RXFP1: variants seen among roughly 807,000 people sequenced by gnomAD.
RXFP1 encodes the protein relaxin family peptide receptor 1, also known as relaxin receptor 1.
In RXFP1, 73 loss-of-function variants were observed where a neutral mutation model predicts 89.8. The observed-to-expected ratio is 0.81, with a 90% CI of 0.67 to 0.99. RXFP1 has a LOEUF of 0.99. Among genes scored for constraint, RXFP1 ranks in the 50% least tolerant of loss-of-function variants. The probability of loss-of-function intolerance (pLI) is 0.00; values close to 1 mark genes in which losing one functional copy is unlikely to be tolerated. For synonymous variants in RXFP1, 277 were observed against 305.5 expected, an observed-to-expected ratio of 0.91 and a Z score of 0.97; for missense variants, 793 against 895.5, an observed-to-expected ratio of 0.89 and a Z score of 1.46.
At chr4:158,531,086 G>T (rs2149793358) in intron 1 of RXFP1, among the ~76,000 whole-genome samples, 1 of 152,280 alleles carries the variant, frequency 6.6e-6, no homozygotes, top group South Asian at 2.1e-4. Context: ...GCCCAGGCTT[G>T]AGTGCAGTGA....
chr4:158,595,500 T>G (rs762819630), intron 3 of RXFP1, among the ~76,000 whole-genome samples: 22 of 152,208 alleles, frequency 1.4e-4, no homozygotes, highest in South Asian at 8.3e-4. Context: ...AATACTAGTG[T>G]TATGAATTAG....
Position 158,612,153 on chromosome 4 carries a change from C to T in RXFP1, c.560C>T (p.Thr187Ile). The T allele has an allele frequency of 6.2e-7, 1 of 1,610,736 alleles. No homozygotes were observed. The highest frequency in any genetic ancestry group is 8.5e-7 in the Non-Finnish European group (1 of 1,178,950). Residue 187 changes from threonine to isoleucine, a missense_variant, in exon 7 of 18, where the codon ACC becomes ATC. Physicochemically the swap from Thr to Ile is moderately conservative, Grantham distance 89 (BLOSUM62 -1). Coordinates refer to ENST00000307765, the MANE Select transcript of RXFP1 (RefSeq NM_021634.4). ...TKLYLSHNRI[T>I]FLKPGVFEDL... Reference sequence around the variant, plus strand: ...AGGTATCTCAGTCATAACAGAATAACCTTCCTGAAGCCGGGTGTTTTTGAA... The same window carrying T: ...AGGTATCTCAGTCATAACAGAATAATCTTCCTGAAGCCGGGTGTTTTTGAA...
At chr4:158,599,259 C>A (rs1166951885) in intron 3 of RXFP1, 67 bp from the exon 4 acceptor site, 6 of 1,606,074 alleles carry the variant, frequency 3.7e-6, no homozygotes, top group Non-Finnish European at 5.1e-6. Context: ...TCATTTCTTT[C>A]TTTTCATTAC....
intron 1 of RXFP1, among the ~76,000 whole-genome samples, chr4:158,554,401 C>T (rs918023420): frequency 6.6e-6 from 1 of 152,074 alleles, no homozygotes; most frequent in African/African-American, 2.4e-5. Context: ...TTCCCAAAGA[C>T]GACCACTGCT....
intron 1 of RXFP1, among the ~76,000 whole-genome samples, chr4:158,531,336 A>C (rs895392096): frequency 6.6e-6 from 1 of 151,686 alleles, no homozygotes; most frequent in Non-Finnish European, 1.5e-5. Flanking sequence ...TCTGCCTTTG[A>C]CTCTTCACTG....
In RXFP1 at chr4:158,561,277, A is replaced by G. The variant is rs1261650548; in HGVS notation, c.50-11421A>G. 5.3e-5 allele frequency among the ~76,000 whole-genome samples: 8 copies of G among 152,236 alleles called. No homozygotes were observed. The East Asian group carries it at 9.6e-4, about 18-fold the overall frequency. ...ACAAGTGGATTATCCCTAATCTGAAATTTTGAAATCCGAAATGTTTCAAAC... is the reference window on the plus strand; with the variant it reads ...ACAAGTGGATTATCCCTAATCTGAAGTTTTGAAATCCGAAATGTTTCAAAC... On this transcript the variant is annotated intron_variant, in intron 1 of 17. Transcript: ENST00000307765.
At chr4:158,550,088 G>A (rs568728164) in intron 1 of RXFP1, among the ~76,000 whole-genome samples, 2 of 152,348 alleles carry the variant, frequency 1.3e-5, no homozygotes, top group African/African-American at 4.8e-5. Flanking sequence ...CTTGAGCTGT[G>A]GTGGGCTCCA....
Position 158,593,484 on chromosome 4 carries a change from G to A in RXFP1, c.271G>A (p.Glu91Lys). Residue 91 changes from glutamate (E) to lysine (K), a missense_variant, in exon 3 of 18, where the codon GAA becomes AAA. By Grantham distance (56) the Glu-to-Lys change is moderately conservative (BLOSUM62 1). Transcript: ENST00000307765. The stretch of plus-strand genomic sequence containing the variant: ...GACTTCCCAATATCCTTTTGAGGCA[G>A]AAACACCTGAATGTTGTAAGTAATC... ...KMTSQYPFEA[E>K]TPECLVGSVP... 6.3e-7 allele frequency: 1 copy of A among 1,597,474 alleles called. No homozygotes were observed. Among genetic ancestry groups the A allele is most frequent in the South Asian group, 1.1e-5 (1 of 90,326 alleles).
At chr4:158,544,335 G>A (rs1747637082) in intron 1 of RXFP1, 4 of 984,640 alleles carry the variant, frequency 4.1e-6, no homozygotes, top group Non-Finnish European at 3.6e-6. Context: ...TGATGAGACA[G>A]CATCTCATCC....
intron 1 of RXFP1, among the ~76,000 whole-genome samples, chr4:158,540,360 C>A (rs1746313411): frequency 6.6e-6 from 1 of 152,070 alleles, no homozygotes; most frequent in Non-Finnish European, 1.5e-5. Flanking sequence ...TATAGGGTAA[C>A]TGACATTGCC....
At position 158,648,496 on chromosome 4, in the gene RXFP1, TAGGTATTAATTTGGCCGCA is replaced by T; in HGVS notation, c.1757-2_1773del. 1.3e-6 allele frequency: 2 copies of T among 1,542,628 alleles called. No homozygotes were observed. The highest frequency in any genetic ancestry group is 4.5e-5 in the East Asian group (2 of 44,322). On this transcript the variant is annotated splice_acceptor_variant and coding_sequence_variant, in exon 17 of 18. Coordinates refer to ENST00000307765, the MANE Select transcript of RXFP1 (RefSeq NM_021634.4). LOFTEE classifies it high-confidence loss of function. ...TTAATAATACTGTTTGTATTCCAAA[TAGGTATTAATTTGGCCGCA>T]TTTATCATCATAGTTTTTTCCTATG...
intron 1 of RXFP1, among the ~76,000 whole-genome samples, chr4:158,569,041 T>C (rs1412422245): frequency 2.0e-5 from 3 of 152,206 alleles, no homozygotes; most frequent in Non-Finnish European, 2.9e-5. Flanking sequence ...TCTTTGAAAT[T>C]ATATGAATCT....
intron 2 of RXFP1, among the ~76,000 whole-genome samples, chr4:158,580,464 A>G (rs1757128027): frequency 6.6e-6 from 1 of 152,180 alleles, no homozygotes; most frequent in Non-Finnish European, 1.5e-5. Context: ...CTTTGCCAGC[A>G]CTTCCCTCCC....
chr4:158,633,538 A>T (rs1337390496), intron 12 of RXFP1, 62 bp downstream of exon 12: 1 of 1,058,260 alleles, frequency 9.4e-7, no homozygotes, highest in Non-Finnish European at 1.4e-6. Context: ...AAATTGTAAA[A>T]TATGCATAAC....
intron 14 of RXFP1, among the ~76,000 whole-genome samples, chr4:158,641,949 TA>T (rs1444071033): frequency 1.3e-5 from 2 of 152,208 alleles, no homozygotes; most frequent in African/African-American, 4.8e-5. Context: ...AATTATAAAT[TA>T]TCCACATGGT....
intron 1 of RXFP1, among the ~76,000 whole-genome samples, chr4:158,568,887 C>T (rs1407351933): frequency 1.3e-5 from 2 of 152,190 alleles, no homozygotes; most frequent in African/African-American, 4.8e-5. Flanking sequence ...ACCCCAAATA[C>T]ATTTTTACAT....
intron 5 of RXFP1, among the ~76,000 whole-genome samples, chr4:158,607,447 A>G (rs1382286719): frequency 2.6e-5 from 4 of 152,222 alleles, no homozygotes; most frequent in Non-Finnish European, 5.9e-5. Flanking sequence ...TGTGATTAAC[A>G]TAGAATATGG....
At chr4:158,598,370 T>C (rs1329924338) in intron 3 of RXFP1, among the ~76,000 whole-genome samples, 1 of 152,084 alleles carries the variant, frequency 6.6e-6, no homozygotes, top group Non-Finnish European at 1.5e-5. Flanking sequence ...CACTTGGACA[T>C]CTGGACACAG....
At chr4:158,636,842 C>G (rs1769268903) in intron 12 of RXFP1, among the ~76,000 whole-genome samples, 1 of 152,148 alleles carries the variant, frequency 6.6e-6, no homozygotes, top group Non-Finnish European at 1.5e-5. Context: ...CAATAGATGT[C>G]TTGAACTTAT....
Sources: allele counts gnomAD v4.1 joint callset (sites outside exome capture counted in the v4.1 genomes callset), GRCh38; gene constraint gnomAD v4.1.1; transcripts MANE v1.5; gene names NCBI Gene and HGNC (gene_info 2026-07-23, HGNC 2026-07-21).